The following FMR1NB variants were observed in gnomAD, a reference collection of about 807,000 sequenced individuals.
FMR1NB encodes the protein FMR1 neighbor protein.
In FMR1NB, 10 loss-of-function variants were observed where a neutral mutation model predicts 16.8. The observed-to-expected ratio is 0.60, with a 90% CI of 0.37 to 1.01. The LOEUF is 1.01. Among genes scored for constraint, FMR1NB ranks in the 50% least tolerant of loss-of-function variants. The pLI is 0.01. For missense variants in FMR1NB, 205 were observed against 204.8 expected (o/e 1.00, Z 0.00); for synonymous variants, 83 against 79.1 (o/e 1.05, Z -0.26).
At chrX:148,016,891 C>T (rs1440476076) in intron 4 of FMR1NB, among the ~76,000 whole-genome samples, 3 of 111,196 alleles carry the variant, frequency 2.7e-5, no homozygotes, top group African/African-American at 9.8e-5. Flanking sequence ...GTAGTTTATA[C>T]AACAAAGTTA....
chrX:147,981,987 C>T (rs1424262393), intron 1 of FMR1NB, among the ~76,000 whole-genome samples: 2 of 111,732 alleles, frequency 1.8e-5, no homozygotes, highest in Non-Finnish European at 3.8e-5. Context: ...CCTCCCTTGT[C>T]GCCCCTTTTT....
chrX:148,001,892 T>C (rs1348852551), intron 1 of FMR1NB, among the ~76,000 whole-genome samples: 2 of 111,780 alleles, frequency 1.8e-5, no homozygotes, highest in African/African-American at 6.5e-5. Context: ...TGTGATGATG[T>C]TATCTTAAGT....
At chrX:148,020,095 C>T (rs2044671192) in intron 4 of FMR1NB, among the ~76,000 whole-genome samples, 1 of 112,299 alleles carries the variant, frequency 8.9e-6, no homozygotes, top group South Asian at 3.7e-4. Flanking sequence ...TGTTGTACTG[C>T]AGGTGATCTG....
intron 4 of FMR1NB, among the ~76,000 whole-genome samples, chrX:148,015,920 A>G (rs971808731): frequency 8.9e-6 from 1 of 112,019 alleles, no homozygotes; most frequent in Admixed American, 9.4e-5. Context: ...GTCACTAGCT[A>G]TTATTGTACA....
chrX:147,992,318 G>T (rs1317918685), intron 1 of FMR1NB, among the ~76,000 whole-genome samples: 4 of 86,499 alleles, frequency 4.6e-5, no homozygotes, highest in Non-Finnish European at 9.2e-5. Flanking sequence ...TCCCAGAGGG[G>T]GCGGCTGGCC....
At chrX:148,011,886 CAG>C (rs1419835534) in intron 4 of FMR1NB, among the ~76,000 whole-genome samples, 1 of 111,633 alleles carries the variant, frequency 9.0e-6, no homozygotes, top group African/African-American at 3.3e-5. Context: ...ACCTGGTACA[CAG>C]AGGACTCAAG....
At chrX:148,003,464 A>G in intron 2 of FMR1NB, 144 bp downstream of exon 2, 1 of 593,595 alleles carries the variant, frequency 1.7e-6, no homozygotes, top group Non-Finnish European at 2.5e-6. Context: ...TGGCTTAGGC[A>G]AGACAATCTC....
chrX:148,022,537 A>T (rs1483363587), intron 4 of FMR1NB, among the ~76,000 whole-genome samples: 1 of 112,070 alleles, frequency 8.9e-6, no homozygotes, highest in Non-Finnish European at 1.9e-5. Context: ...CAAGAAATTG[A>T]CCTTTTCCGT....
At chrX:147,987,196 G>C (rs782342620) in intron 1 of FMR1NB, among the ~76,000 whole-genome samples, 7 of 111,872 alleles carry the variant, frequency 6.3e-5, no homozygotes, top group Admixed American at 9.5e-5. Flanking sequence ...TGCTGAAGTT[G>C]TTTATCAGCT....
intron 1 of FMR1NB, among the ~76,000 whole-genome samples, chrX:147,997,778 C>A (rs1314182227): frequency 9.0e-6 from 1 of 111,240 alleles, no homozygotes; most frequent in African/African-American, 3.3e-5. Flanking sequence ...AAAAAACCAT[C>A]AAAAAGTGGG....
At chrX:147,994,668 C>CA (rs1410713001) in intron 1 of FMR1NB, among the ~76,000 whole-genome samples, 2 of 111,876 alleles carry the variant, frequency 1.8e-5, no homozygotes, top group Non-Finnish European at 3.8e-5. Context: ...AACTCCCACA[C>CA]AAAAAAGAAT....
chrX:148,022,944 C>T (rs1432510516), intron 4 of FMR1NB, among the ~76,000 whole-genome samples: 2 of 111,783 alleles, frequency 1.8e-5, no homozygotes, highest in Non-Finnish European at 3.8e-5. Context: ...TCTCTAAAAT[C>T]CTGAAATTCA....
chrX:147,983,855 G>A (rs782730254), intron 1 of FMR1NB, among the ~76,000 whole-genome samples: 1 of 111,616 alleles, frequency 9.0e-6, no homozygotes, highest in Non-Finnish European at 1.9e-5. Flanking sequence ...AGAGTTTTAC[G>A]GTTTTAACTC....
At chrX:148,013,064 C>T (rs1025208993) in intron 4 of FMR1NB, among the ~76,000 whole-genome samples, 3 of 111,491 alleles carry the variant, frequency 2.7e-5, no homozygotes, top group Admixed American at 9.5e-5. Context: ...CAAACTGGAA[C>T]TCTGTTCTAG....
chrX:147,985,413 A>G (rs1266762819), intron 1 of FMR1NB, among the ~76,000 whole-genome samples: 1 of 111,314 alleles, frequency 9.0e-6, no homozygotes, highest in African/African-American at 3.3e-5. Flanking sequence ...TGCTGCACCT[A>G]TCAACCTGTC....
Position 147,982,839 on chromosome X carries a change from AG to A in FMR1NB, c.277+1161del, listed in dbSNP as rs202236160. ...GACCCGGAAGGCGGAGCTTGCAGTG[AG>A]CCAAGATCGCGCCACTACACTCCAG... is the stretch of plus-strand genomic sequence containing the variant. On this transcript the variant is annotated intron_variant, in intron 1 of 5. Coordinates refer to ENST00000370467, the MANE Select transcript of FMR1NB (RefSeq NM_152578.3). Among the ~76,000 whole-genome samples the A allele has an allele frequency of 2.5e-4, 28 of 111,575 alleles. No homozygotes were observed. The East Asian group carries it at 7.1e-3, about 28-fold the overall frequency.
At chrX:148,024,635 T>A (rs6653426) in intron 4 of FMR1NB, among the ~76,000 whole-genome samples, 25,621 of 110,919 alleles carry the variant, frequency 0.23, 3,852 homozygotes, top group African/African-American at 0.55. Flanking sequence ...CTGTTACAGA[T>A]GGTCACATAA....
At chrX:148,023,419 G>C (rs1184788340) in intron 4 of FMR1NB, among the ~76,000 whole-genome samples, 1 of 111,560 alleles carries the variant, frequency 9.0e-6, no homozygotes, top group African/African-American at 3.3e-5. Context: ...TGTCAACCCA[G>C]TAATACAGTT....
chrX:148,004,519 A>G (rs7889692), intron 2 of FMR1NB, among the ~76,000 whole-genome samples: 13,918 of 112,132 alleles, frequency 0.12, 1,231 homozygotes, highest in African/African-American at 0.32. Flanking sequence ...ACCTAGGTTG[A>G]TTCAAAAAGT....
Sources: gnomAD v4.1 joint callset for allele counts (sites outside exome capture counted in the v4.1 genomes callset) on GRCh38, gnomAD v4.1.1 for gene constraint, MANE v1.5 for transcripts, NCBI Gene and HGNC (gene_info 2026-07-23, HGNC 2026-07-21) for gene names.